The following GUCY2F variants were observed in gnomAD, a reference collection of about 807,000 sequenced individuals.
GUCY2F encodes the protein guanylate cyclase 2F, retinal.
GUCY2F carries 61 observed loss-of-function variants against 73.1 expected under a neutral mutation model. That is an observed-to-expected ratio of 0.83 (90% CI 0.68 to 1.03). The LOEUF is 1.03. GUCY2F is among the 50% of genes least tolerant of loss of function. GUCY2F has a pLI of 0.00. For missense variants in GUCY2F, 912 were observed against 854.3 expected (o/e 1.07, Z -0.84); for synonymous variants, 331 against 307.8 (o/e 1.08, Z -0.79).
intron 11 of GUCY2F, 108 bp downstream of exon 11, chrX:109,398,441 T>C: frequency 1.4e-6 from 1 of 697,718 alleles, no homozygotes; most frequent in East Asian, 3.2e-5. Context: ...TTGCAGACTA[T>C]CAGGCTGTTA....
intron 6 of GUCY2F, among the ~76,000 whole-genome samples, chrX:109,445,496 G>A (rs1253196441): frequency 8.9e-6 from 1 of 112,054 alleles, no homozygotes; most frequent in Non-Finnish European, 1.9e-5. Flanking sequence ...AGCCATATAT[G>A]TAATTTTAAG....
intron 11 of GUCY2F, among the ~76,000 whole-genome samples, chrX:109,396,824 C>T (rs914826774): frequency 6.2e-5 from 7 of 112,417 alleles, no homozygotes; most frequent in Non-Finnish European, 9.4e-5. Context: ...ATTACAGCAT[C>T]GTGCTCTCAG....
intron 3 of GUCY2F, among the ~76,000 whole-genome samples, chrX:109,463,595 G>A (rs956266585): frequency 4.2e-4 from 46 of 109,981 alleles, no homozygotes; most frequent in Admixed American, 2.3e-3. Flanking sequence ...CCGCCACCAC[G>A]CCCGGCTAAC....
chrX:109,376,142 CAGA>C lies in GUCY2F; in HGVS notation c.3173_3175del (p.Phe1058del). 8.3e-7 allele frequency: 1 copy of C among 1,199,933 alleles called. No individual in the cohort carries two copies. Among genetic ancestry groups the C allele is most frequent in the Non-Finnish European group, 1.1e-6 (1 of 884,675 alleles). ...CATGAAGCCTTTTTTCCCAATCAGC[CAGA>C]AGGTTTCCTCTGTGCCTTTGCCCTT... On this transcript the variant is annotated inframe_deletion, in exon 18 of 20. Transcript: ENST00000218006.
intron 6 of GUCY2F, among the ~76,000 whole-genome samples, chrX:109,443,141 A>C (rs1465909530): frequency 9.0e-6 from 1 of 111,268 alleles, no homozygotes; most frequent in African/African-American, 3.3e-5. Context: ...ACTACACAGC[A>C]ATTAAGGAAA....
At position 109,382,116 on chromosome X, in the gene GUCY2F, A is replaced by G. The variant is rs1930329153; in HGVS notation, c.3150+2T>C. 3 of 1,111,249 alleles carry G rather than the reference A, an allele frequency of 2.7e-6. No individual in the cohort carries two copies. The highest frequency in any genetic ancestry group is 1.8e-5 in the South Asian group (1 of 54,455). 91.6% of individuals were successfully genotyped at this position (1,111,249 alleles called of 1,213,427 possible). A position where few individuals can be genotyped will look rare whatever the true frequency, so the allele number is the denominator to read the frequency against. On this transcript the variant is annotated splice_donor_variant, in intron 17 of 19. Coordinates refer to ENST00000218006, the MANE Select transcript of GUCY2F (RefSeq NM_001522.3). LOFTEE classifies it high-confidence loss of function. The stretch of plus-strand genomic sequence containing the variant: ...GGCTCAAAAAACAAAAAGACATTAT[A>G]CCTTGAGCTCTGTTCTTCCTCGAAG...
At chrX:109,462,132 G>A (rs1454166557) in intron 3 of GUCY2F, among the ~76,000 whole-genome samples, 1 of 112,731 alleles carries the variant, frequency 8.9e-6, no homozygotes, top group Non-Finnish European at 1.9e-5. Flanking sequence ...AAGAAAGGTA[G>A]CTGTGAGCCA....
chrX:109,465,957 G>C, intron 2 of GUCY2F, among the ~76,000 whole-genome samples: 1 of 111,677 alleles, frequency 9.0e-6, no homozygotes, highest in Non-Finnish European at 1.9e-5. Flanking sequence ...AATAGTAAGA[G>C]AGGATGGGAG....
rs1483485434 is a variant in GUCY2F, at chrX:109,465,311, A to G, written c.863T>C (p.Leu288Ser). 4 of 1,206,399 alleles carry G rather than the reference A, an allele frequency of 3.3e-6. No individual in the cohort carries two copies. In the African/African-American group the frequency reaches 7.0e-5, roughly 21 times the overall value. Residue 288 changes from leucine (L) to serine (S), a missense_variant, in exon 3 of 20, where the codon TTA (leucine) becomes TCA (serine). Transcript: ENST00000218006. ...CCGGTAGGGGGTGTGCTTATAAGGT[A>G]AACTGTAGAGCAGGGCATCATAAGG... is the stretch of plus-strand genomic sequence containing the variant. Reference protein sequence around the residue: ...FVPYDALLYSLPYKHTPYRVL... With the variant: ...FVPYDALLYSSPYKHTPYRVL...
In GUCY2F at chrX:109,455,884, G is replaced by A. The variant is rs1258924224; in HGVS notation, c.1033-2025C>T. On this transcript the variant is annotated intron_variant, in intron 3 of 19. Coordinates refer to ENST00000218006, the MANE Select transcript of GUCY2F (RefSeq NM_001522.3). ...GTTAAAAATCAACATACCCAATGTT[G>A]AACTCATGATATTCACCCCAAATCC... Among the ~76,000 whole-genome samples, 23 of 111,803 alleles carry A rather than the reference G, an allele frequency of 2.1e-4. No homozygotes were observed. The Admixed American group carries it at 2.2e-3, about 11-fold the overall frequency.
chrX:109,470,880 C>A (rs759520092), intron 2 of GUCY2F, among the ~76,000 whole-genome samples: 1 of 111,620 alleles, frequency 9.0e-6, no homozygotes, highest in Non-Finnish European at 1.9e-5. Flanking sequence ...AGTTATTTAA[C>A]CCCTTTTAGC....
intron 16 of GUCY2F, chrX:109,383,265 G>T: frequency 5.9e-6 from 1 of 170,130 alleles, no homozygotes; most frequent in Non-Finnish European, 9.5e-6. Context: ...CCAGTCCTAT[G>T]TGTGCATCCC....
chrX:109,427,060 C>T (rs919264837), intron 8 of GUCY2F, among the ~76,000 whole-genome samples: 2 of 111,847 alleles, frequency 1.8e-5, no homozygotes, highest in African/African-American at 6.5e-5. Flanking sequence ...GTTTGGGAAG[C>T]GTCATCAGTA....
intron 8 of GUCY2F, among the ~76,000 whole-genome samples, chrX:109,411,413 A>C (rs933099957): frequency 6.3e-5 from 7 of 111,406 alleles, no homozygotes; most frequent in Non-Finnish European, 9.4e-5. Context: ...TTCATGGTAT[A>C]ACTTGTGCTC....
At chrX:109,463,684 G>T (rs754413046) in intron 3 of GUCY2F, among the ~76,000 whole-genome samples, 5 of 111,102 alleles carry the variant, frequency 4.5e-5, no homozygotes, top group African/African-American at 1.6e-4. Context: ...TGATCCACCC[G>T]CCTCAGCCTC....
chrX:109,415,063 T>C (rs2147263313), intron 8 of GUCY2F, among the ~76,000 whole-genome samples: 1 of 110,713 alleles, frequency 9.0e-6, no homozygotes, highest in African/African-American at 3.3e-5. Context: ...TTCCTGATGC[T>C]ACAGCTTTTA....
chrX:109,413,991 G>A (rs977361418), intron 8 of GUCY2F, among the ~76,000 whole-genome samples: 6 of 106,075 alleles, frequency 5.7e-5, no homozygotes, highest in Non-Finnish European at 7.8e-5. Flanking sequence ...TCGCTCTGTC[G>A]CCTAGGCTGG....
chrX:109,385,192 G>C lies in GUCY2F; in HGVS notation c.3047C>G (p.Thr1016Arg). 1 of 1,142,163 alleles carries C rather than the reference G, an allele frequency of 8.8e-7. No individual in the cohort carries two copies. The highest frequency in any genetic ancestry group is 1.2e-6 in the Non-Finnish European group (1 of 833,670). 94.1% of individuals were successfully genotyped at this position (1,142,163 alleles called of 1,213,427 possible). ...CTCTATTAGGTACTCACGTAAGCCT[G>C]TAGATTCCATCCGAGAAGCTGTGTT... is the stretch of plus-strand genomic sequence containing the variant. Reference protein sequence around the residue: ...TVNTASRMESTGLPYRIHVSL... With the variant: ...TVNTASRMESRGLPYRIHVSL... Residue 1016 changes from threonine (T) to arginine (R), a missense_variant, in exon 16 of 20, where the codon ACA (threonine) becomes AGA (arginine). By Grantham distance (71) the Thr-to-Arg change is moderately conservative. Transcript: ENST00000218006.
intron 7 of GUCY2F, among the ~76,000 whole-genome samples, chrX:109,436,462 G>C (rs1424595770): frequency 2.7e-5 from 3 of 111,283 alleles, no homozygotes; most frequent in Admixed American, 9.5e-5. Flanking sequence ...TATAAATCAT[G>C]CTGCTATAAA....
Sources: allele counts gnomAD v4.1 joint callset (sites outside exome capture counted in the v4.1 genomes callset), GRCh38; gene constraint gnomAD v4.1.1; transcripts MANE v1.5; gene names NCBI Gene and HGNC (gene_info 2026-07-23, HGNC 2026-07-21).